PLEKHA5: variants seen among roughly 807,000 people sequenced by gnomAD.
The protein encoded by PLEKHA5 is pleckstrin homology domain-containing family A member 5.
A neutral mutation model predicts 181.9 loss-of-function variants in PLEKHA5; 55 were observed. The ratio of observed to expected loss-of-function variants is 0.30; its 90% confidence interval spans 0.24 to 0.38. PLEKHA5 has a LOEUF of 0.38. Among genes scored for constraint, PLEKHA5 ranks in the 10% least tolerant of loss-of-function variants. PLEKHA5 has a pLI of 1.00. For missense variants in PLEKHA5, 1,432 were observed against 1,549.5 expected (o/e 0.92, Z 1.27); for synonymous variants, 535 against 529.4 (o/e 1.01, Z -0.15).
chr12:19,320,667 T>G (rs2090417281), intron 18 of PLEKHA5, 43 bp downstream of exon 18: 1 of 881,678 alleles, frequency 1.1e-6, no homozygotes, highest in Non-Finnish European at 1.7e-6. Context: ...TCTGTCGTAT[T>G]CTCCGCCAAA....
chr12:19,193,703 G>T (rs1039718719), intron 3 of PLEKHA5, among the ~76,000 whole-genome samples: 3 of 152,050 alleles, frequency 2.0e-5, no homozygotes, highest in African/African-American at 7.2e-5. Context: ...CTGAGTCCCT[G>T]TATTAGGCCA....
intron 3 of PLEKHA5, among the ~76,000 whole-genome samples, chr12:19,205,727 G>A (rs947703011): frequency 3.9e-5 from 6 of 151,918 alleles, no homozygotes; most frequent in Admixed American, 1.3e-4. Context: ...TAATGCTGGC[G>A]GAATTATGTG....
At chr12:19,167,022 C>A (rs1455331432) in intron 3 of PLEKHA5, among the ~76,000 whole-genome samples, 2 of 152,198 alleles carry the variant, frequency 1.3e-5, no homozygotes, top group African/African-American at 4.8e-5. Flanking sequence ...GTAGACTTAA[C>A]ACTTCATTAG....
chr12:19,292,252 A>G (rs552361211), intron 15 of PLEKHA5, among the ~76,000 whole-genome samples: 1 of 152,128 alleles, frequency 6.6e-6, no homozygotes, highest in Non-Finnish European at 1.5e-5. Flanking sequence ...CTAAAAATAC[A>G]AAAATGAGCC....
At chr12:19,231,039 A>G (rs1486888773) in intron 3 of PLEKHA5, among the ~76,000 whole-genome samples, 1 of 152,274 alleles carries the variant, frequency 6.6e-6, no homozygotes, top group Non-Finnish European at 1.5e-5. Context: ...TCTCCATAAC[A>G]CAGTCTGTCC....
intron 3 of PLEKHA5, among the ~76,000 whole-genome samples, chr12:19,215,421 G>C (rs2057775995): frequency 6.6e-6 from 1 of 152,140 alleles, no homozygotes; most frequent in Admixed American, 6.5e-5. Context: ...GAAATGGCCA[G>C]GGAAATATGT....
intron 3 of PLEKHA5, chr12:19,151,863 A>G (rs1565872118): frequency 9.4e-6 from 1 of 106,646 alleles, no homozygotes; most frequent in Non-Finnish European, 1.9e-5. Context: ...TTTTGGTCAT[A>G]CTTTTTTTTT....
intron 3 of PLEKHA5, among the ~76,000 whole-genome samples, chr12:19,204,208 A>G (rs1181941188): frequency 6.6e-6 from 1 of 152,122 alleles, no homozygotes; most frequent in East Asian, 1.9e-4. Flanking sequence ...GAAGTAATAG[A>G]GGTGACCAGG....
chr12:19,258,561 C>CTTTTT (rs71440398), intron 6 of PLEKHA5, among the ~76,000 whole-genome samples: 11 of 123,798 alleles, frequency 8.9e-5, no homozygotes, highest in South Asian at 5.1e-4. Flanking sequence ...TTTTCTTTTT[C>CTTTTT]TTTTTTTTTT....
At chr12:19,144,222 T>G (rs909237317) in intron 3 of PLEKHA5, among the ~76,000 whole-genome samples, 1 of 152,194 alleles carries the variant, frequency 6.6e-6, no homozygotes, top group African/African-American at 2.4e-5. Context: ...GTTATGTATG[T>G]CTACATAAAC....
chr12:19,168,761 C>CT (rs2045192189), intron 3 of PLEKHA5, among the ~76,000 whole-genome samples: 1 of 152,096 alleles, frequency 6.6e-6, no homozygotes, highest in Non-Finnish European at 1.5e-5. Context: ...AAGATTCCTT[C>CT]TAAGAATGTG....
intron 15 of PLEKHA5, among the ~76,000 whole-genome samples, chr12:19,308,682 G>C (rs1189795945): frequency 2.0e-5 from 3 of 152,122 alleles, no homozygotes. Context: ...CCTCCAACAT[G>C]ATGGATCTCC....
intron 20 of PLEKHA5, among the ~76,000 whole-genome samples, chr12:19,326,569 CTT>C (rs2092124574): frequency 6.6e-6 from 1 of 152,082 alleles, no homozygotes; most frequent in Non-Finnish European, 1.5e-5. Flanking sequence ...GTTCCCTATA[CTT>C]TTTATTTATT....
chr12:19,328,913 G>A (rs2092557556), intron 20 of PLEKHA5, among the ~76,000 whole-genome samples: 1 of 152,076 alleles, frequency 6.6e-6, no homozygotes, highest in African/African-American at 2.4e-5. Flanking sequence ...TCTTTTTCCA[G>A]TTCTCAAGGG....
At chr12:19,329,085 A>G (rs1565623669) in intron 20 of PLEKHA5, among the ~76,000 whole-genome samples, 1 of 152,168 alleles carries the variant, frequency 6.6e-6, no homozygotes. Context: ...TTCCATGTCT[A>G]CTGAGATGAT....
At chr12:19,193,387 G>A (rs991228951) in intron 3 of PLEKHA5, among the ~76,000 whole-genome samples, 1 of 152,124 alleles carries the variant, frequency 6.6e-6, no homozygotes. Context: ...GGTTAAATTA[G>A]GTTCTTGTGA....
chr12:19,156,953 G>T (rs1248558887), intron 3 of PLEKHA5, among the ~76,000 whole-genome samples: 2 of 151,696 alleles, frequency 1.3e-5, no homozygotes, highest in Admixed American at 6.6e-5. Flanking sequence ...CAGCTACTTG[G>T]GGGGCTGAGG....
chr12:19,297,952 T>C (rs905377005), intron 15 of PLEKHA5, among the ~76,000 whole-genome samples: 11 of 152,078 alleles, frequency 7.2e-5, no homozygotes, highest in Non-Finnish European at 1.2e-4. Context: ...ACGCCTGTAA[T>C]CCCAGCACTT....
intron 21 of PLEKHA5, among the ~76,000 whole-genome samples, chr12:19,337,765 A>G (rs2093565618): frequency 6.6e-6 from 1 of 152,064 alleles, no homozygotes; most frequent in South Asian, 2.1e-4. Context: ...AGCCTGACCA[A>G]CATGGGGAAA....
Sources: gnomAD v4.1 joint callset for allele counts (sites outside exome capture counted in the v4.1 genomes callset) on GRCh38, gnomAD v4.1.1 for gene constraint, MANE v1.5 for transcripts, NCBI Gene and HGNC (gene_info 2026-07-23, HGNC 2026-07-21) for gene names.